KIF5C: variants seen among roughly 807,000 people sequenced by gnomAD.
KIF5C encodes kinesin heavy chain isoform 5C.
In KIF5C, 18 loss-of-function variants were observed where a neutral mutation model predicts 125.2. The observed-to-expected ratio is 0.14, with a 90% CI of 0.10 to 0.21. The LOEUF is 0.21. Ranked by LOEUF, KIF5C falls within the 10% of genes least tolerant of loss-of-function variation. The pLI, the probability that KIF5C is intolerant of heterozygous loss-of-function variation, is 1.00. For missense variants in KIF5C, 780 were observed against 1,183.8 expected (o/e 0.66, Z 5.01); for synonymous variants, 405 against 434.0 (o/e 0.93, Z 0.83).
chr2:149,013,441 A>G (rs957644383), intron 25 of KIF5C, among the ~76,000 whole-genome samples: 14 of 152,208 alleles, frequency 9.2e-5, no homozygotes, highest in African/African-American at 3.4e-4. Flanking sequence ...CCTGGACAGC[A>G]CTGAGCCACA....
intron 1 of KIF5C, among the ~76,000 whole-genome samples, chr2:148,880,829 T>C (rs1018226719): frequency 6.6e-6 from 1 of 152,038 alleles, no homozygotes; most frequent in Non-Finnish European, 1.5e-5. Context: ...AGCTGTAATC[T>C]GGCGTGTGTC....
chr2:149,012,983 A>C (rs1032178334), intron 25 of KIF5C, among the ~76,000 whole-genome samples: 2 of 152,242 alleles, frequency 1.3e-5, no homozygotes, highest in Non-Finnish European at 2.9e-5. Context: ...AGCAGTGGTC[A>C]TCGAACTTTG....
At chr2:148,998,218 G>A (rs1200203068) in intron 18 of KIF5C, 182 bp from the exon 19 acceptor site, 1 of 988,096 alleles carries the variant, frequency 1.0e-6, no homozygotes, top group East Asian at 2.7e-5. Flanking sequence ...CAGATCTTGG[G>A]TTTTGTTATC....
intron 15 of KIF5C, among the ~76,000 whole-genome samples, chr2:148,986,731 GA>G (rs1681390774): frequency 6.6e-6 from 1 of 152,114 alleles, no homozygotes; most frequent in Non-Finnish European, 1.5e-5. Context: ...TGGGATGGGG[GA>G]AAAATATGAC....
intron 2 of KIF5C, among the ~76,000 whole-genome samples, chr2:148,925,533 A>G (rs917438759): frequency 2.6e-5 from 4 of 152,236 alleles, no homozygotes; most frequent in African/African-American, 9.6e-5. Context: ...CAGAAGAGGA[A>G]TTTGAGGCTC....
Position 148,973,454 on chromosome 2 carries a change from G to A in KIF5C, c.1236G>A (p.Glu412=). 2 of 1,613,598 alleles carry A rather than the reference G, an allele frequency of 1.2e-6. No individual in the cohort carries two copies. Among genetic ancestry groups the A allele is most frequent in the Non-Finnish European group, 1.7e-6 (2 of 1,179,692 alleles). ...IAPVVAGIST[E]EKEKYDEEIS... ...CTGTTGTTGCTGGCATCTCTACAGA[G>A]GAGAAAGAGAAGTACGATGAGGAGA... The change falls in exon 12 of 26, where the codon GAG becomes GAA. Residue 412 remains glutamate, a synonymous_variant. Coordinates refer to ENST00000435030, the MANE Select transcript of KIF5C (RefSeq NM_004522.3).
intron 1 of KIF5C, among the ~76,000 whole-genome samples, chr2:148,907,501 A>G (rs1331788886): frequency 6.6e-6 from 1 of 152,222 alleles, no homozygotes; most frequent in Admixed American, 6.5e-5. Flanking sequence ...GCTCCCTGTA[A>G]CCATATGTCC....
chr2:148,900,025 C>T (rs1169056143), intron 1 of KIF5C, among the ~76,000 whole-genome samples: 1 of 152,186 alleles, frequency 6.6e-6, no homozygotes, highest in Admixed American at 6.5e-5. Flanking sequence ...GGTAGCTGCC[C>T]CAGAGTCGGG....
At chr2:148,895,621 T>C (rs76772163) in intron 1 of KIF5C, among the ~76,000 whole-genome samples, 1,870 of 152,290 alleles carry the variant, frequency 0.012, 32 homozygotes, top group African/African-American at 0.043. Context: ...ATAGCTTACG[T>C]AAATTCTATT....
intron 1 of KIF5C, among the ~76,000 whole-genome samples, chr2:148,892,208 T>G (rs1257634164): frequency 6.6e-6 from 1 of 152,232 alleles, no homozygotes; most frequent in African/African-American, 2.4e-5. Flanking sequence ...TACCAGGAAT[T>G]GAGAATGTTT....
intron 3 of KIF5C, among the ~76,000 whole-genome samples, chr2:148,931,713 A>C (rs1682190289): frequency 6.6e-6 from 1 of 152,192 alleles, no homozygotes; most frequent in Non-Finnish European, 1.5e-5. Flanking sequence ...AACCAAAAAC[A>C]AAAACTAATA....
At chr2:148,902,439 C>G (rs1179159335) in intron 1 of KIF5C, among the ~76,000 whole-genome samples, 1 of 152,192 alleles carries the variant, frequency 6.6e-6, no homozygotes, top group East Asian at 1.9e-4. Context: ...GCCTCAGCCC[C>G]CCAGGTAGCT....
At chr2:148,972,342 C>G (rs1173470477) in intron 11 of KIF5C, among the ~76,000 whole-genome samples, 2 of 152,164 alleles carry the variant, frequency 1.3e-5, no homozygotes, top group Non-Finnish European at 2.9e-5. Flanking sequence ...ACTGCAGACA[C>G]TCTTACTACT....
intron 11 of KIF5C, among the ~76,000 whole-genome samples, chr2:148,965,648 G>A (rs1050635145): frequency 2.0e-5 from 3 of 152,144 alleles, no homozygotes; most frequent in African/African-American, 7.2e-5. Flanking sequence ...AGGGACAACA[G>A]ACCAGGCCAG....
intron 3 of KIF5C, among the ~76,000 whole-genome samples, chr2:148,931,673 G>T (rs760417977): frequency 1.3e-5 from 2 of 152,000 alleles, no homozygotes; most frequent in Non-Finnish European, 2.9e-5. Flanking sequence ...AAAAAAAATA[G>T]TAATAATAAA....
At chr2:148,942,118 T>G in intron 6 of KIF5C, 128 bp downstream of exon 6, 1 of 1,018,516 alleles carries the variant, frequency 9.8e-7, no homozygotes, top group Non-Finnish European at 1.4e-6. Flanking sequence ...CTCCTTATAT[T>G]TAATATTCAT....
chr2:148,952,341 A>G (rs1257619288), intron 10 of KIF5C, among the ~76,000 whole-genome samples: 7 of 152,210 alleles, frequency 4.6e-5, no homozygotes, highest in East Asian at 1.9e-4. Context: ...GGCATTGGCT[A>G]TCTTTGCAAG....
chr2:148,937,534 C>G (rs1259657575), intron 4 of KIF5C, 146 bp downstream of exon 4: 1 of 1,178,852 alleles, frequency 8.5e-7, no homozygotes, highest in Non-Finnish European at 1.1e-6. Context: ...TATTAGTGAC[C>G]TAGGCTAACA....
intron 12 of KIF5C, among the ~76,000 whole-genome samples, chr2:148,975,534 C>T (rs1261502655): frequency 1.3e-5 from 2 of 152,220 alleles, no homozygotes; most frequent in East Asian, 3.9e-4. Context: ...CCCCAGTGCT[C>T]ATCTCATTTT....
Sources: allele counts gnomAD v4.1 joint callset (sites outside exome capture counted in the v4.1 genomes callset), GRCh38; gene constraint gnomAD v4.1.1; transcripts MANE v1.5; gene names NCBI Gene and HGNC (gene_info 2026-07-23, HGNC 2026-07-21).